CARF: variants seen among roughly 807,000 people sequenced by gnomAD.
CARF encodes the protein calcium responsive transcription factor.
Under a neutral mutation model 82.0 loss-of-function variants are expected in CARF, and 57 were observed. That is an observed-to-expected ratio of 0.70 (90% CI 0.56 to 0.87). CARF has a LOEUF of 0.87. Among genes scored for constraint, CARF ranks in the 40% least tolerant of loss-of-function variants. The pLI is 0.00. For synonymous variants in CARF, 268 were observed against 290.1 expected (o/e 0.92, Z 0.77); for missense variants, 771 against 855.8 (o/e 0.90, Z 1.24).
chr2:202,923,775 G>A (rs1378801115), intron 2 of CARF, among the ~76,000 whole-genome samples: 13 of 152,248 alleles, frequency 8.5e-5, no homozygotes, highest in South Asian at 2.1e-4. Context: ...ATCAAAATAG[G>A]TACATAGACC....
intron 5 of CARF, among the ~76,000 whole-genome samples, chr2:202,947,846 T>C (rs1380671873): frequency 6.6e-6 from 1 of 152,222 alleles, no homozygotes; most frequent in African/African-American, 2.4e-5. Context: ...GTATAGAAGC[T>C]CTTAAGTTTA....
chr2:202,953,388 C>A (rs2058848096), intron 6 of CARF, among the ~76,000 whole-genome samples: 1 of 151,594 alleles, frequency 6.6e-6, no homozygotes, highest in East Asian at 1.9e-4. Flanking sequence ...TTGCTCTTTT[C>A]CTCTTTCCTT....
chr2:202,941,698 A>G (rs1034255995), intron 3 of CARF, among the ~76,000 whole-genome samples, 162 bp from the exon 4 acceptor site: 1 of 151,356 alleles, frequency 6.6e-6, no homozygotes, highest in African/African-American at 2.4e-5. Flanking sequence ...TGCCTTGGCA[A>G]GTCATTTTAA....
At chr2:202,976,034 A>G (rs1194139206) in intron 13 of CARF, among the ~76,000 whole-genome samples, 2 of 152,102 alleles carry the variant, frequency 1.3e-5, no homozygotes, top group Admixed American at 6.6e-5. Context: ...GACAGCAGCA[A>G]AACTCCATCT....
chr2:202,922,102 T>G (rs1429904226), intron 2 of CARF, among the ~76,000 whole-genome samples: 1 of 152,042 alleles, frequency 6.6e-6, no homozygotes, highest in Non-Finnish European at 1.5e-5. Context: ...GTGCTAAGAT[T>G]ACAGGGATTA....
intron 9 of CARF, chr2:202,962,613 C>T (rs972890051): frequency 7.9e-5 from 12 of 152,048 alleles, no homozygotes; most frequent in African/African-American, 2.7e-4. Context: ...TCATGTGTAT[C>T]GTTCTAGTCT....
chr2:202,964,878 T>C (rs1369521101), intron 9 of CARF, among the ~76,000 whole-genome samples: 2 of 108,536 alleles, frequency 1.8e-5, no homozygotes, highest in Non-Finnish European at 4.4e-5. Context: ...TATATACATA[T>C]ATGTGTATAT....
In CARF at chr2:202,974,314, C is replaced by T; in HGVS notation, c.1332-20C>T. Reference sequence around the variant, plus strand: ...TTGCTAAATGGTTTATGTCTTTATTCCATTTTGTATTCTTTACAGAAAATT... The same window carrying T: ...TTGCTAAATGGTTTATGTCTTTATTTCATTTTGTATTCTTTACAGAAAATT... On this transcript the variant is annotated intron_variant, in intron 12 of 16. Coordinates refer to ENST00000438828, the MANE Select transcript of CARF (RefSeq NM_024744.17). 1 of 1,553,644 alleles carries T rather than the reference C, an allele frequency of 6.4e-7. No individual in the cohort carries two copies. Among genetic ancestry groups the T allele is most frequent in the Non-Finnish European group, 8.6e-7 (1 of 1,157,498 alleles).
chr2:202,964,900 T>TACAC (rs1553568430), intron 9 of CARF, among the ~76,000 whole-genome samples: 2 of 146,034 alleles, frequency 1.4e-5, no homozygotes, highest in Admixed American at 6.8e-5. Flanking sequence ...TATATATATA[T>TACAC]ACACACACAC....
At chr2:202,970,581 A>T (rs1440057233) in intron 11 of CARF, among the ~76,000 whole-genome samples, 1 of 152,122 alleles carries the variant, frequency 6.6e-6, no homozygotes, top group Non-Finnish European at 1.5e-5. Flanking sequence ...AGTCTGGGTG[A>T]ATAATTTGTT....
intron 5 of CARF, 104 bp downstream of exon 5, chr2:202,943,071 A>G: frequency 1.2e-6 from 1 of 813,922 alleles, no homozygotes; most frequent in African/African-American, 1.8e-5. Context: ...CATTGTGTTT[A>G]TTTATTTATT....
intron 5 of CARF, among the ~76,000 whole-genome samples, chr2:202,947,222 A>G (rs919915117): frequency 3.9e-5 from 6 of 152,172 alleles, no homozygotes; most frequent in African/African-American, 1.4e-4. Context: ...TCTTGGAACT[A>G]CCCCAAATGC....
chr2:202,915,058 C>A, intron 1 of CARF, among the ~76,000 whole-genome samples: 1 of 151,742 alleles, frequency 6.6e-6, no homozygotes, highest in Non-Finnish European at 1.5e-5. Context: ...CCCTCTGTCG[C>A]GAGGCTGGAG....
chr2:202,928,643 T>C (rs1254428962), intron 3 of CARF, among the ~76,000 whole-genome samples: 2 of 152,232 alleles, frequency 1.3e-5, no homozygotes, highest in African/African-American at 4.8e-5. Flanking sequence ...TTTTGTCTTT[T>C]TGATAATAGC....
chr2:202,981,754 C>T, intron 15 of CARF, 69 bp downstream of exon 15: 1 of 1,346,622 alleles, frequency 7.4e-7, no homozygotes, highest in Non-Finnish European at 1.0e-6. Flanking sequence ...TCTTCTTCTC[C>T]TAGGGATTTT....
chr2:202,949,888 C>T (rs1272479933), intron 5 of CARF, among the ~76,000 whole-genome samples: 2 of 152,074 alleles, frequency 1.3e-5, no homozygotes, highest in Non-Finnish European at 2.9e-5. Flanking sequence ...AGTAAAGATT[C>T]TGTAGTGGGT....
rs186885335 is a variant in CARF, at chr2:202,938,144, T to A, written c.-43-3716T>A. ...TAATTATTTTTAAATATAATTAAAT[T>A]ATTGACGGTAGTTACCCTGTTGTGC... On this transcript the variant is annotated intron_variant, in intron 3 of 16. Transcript: ENST00000438828. 504 of 152,310 alleles carry A rather than the reference T, an allele frequency of 3.3e-3. 4 individuals carry two copies. Among genetic ancestry groups the A allele is most frequent in the African/African-American group, 0.012 (486 of 41,582 alleles). The allele number at this position is 152,310 out of a possible 1,614,324, so 9.4% of individuals were successfully genotyped here.
At position 202,921,190 on chromosome 2, in the gene CARF, A is replaced by T. The variant is rs181191845; in HGVS notation, c.-162-3107A>T. Among the ~76,000 whole-genome samples the T allele has an allele frequency of 3.1e-4, 47 of 152,120 alleles. No individual in the cohort carries two copies. In the East Asian group the frequency reaches 6.2e-3, roughly 20 times the overall value. On this transcript the variant is annotated intron_variant, in intron 2 of 16. Transcript: ENST00000438828. ...CTCATTTTTTGTATTTTTGGTAGAG[A>T]CGGGGTTTCACCATGTTAGCCAGGA... is the stretch of plus-strand genomic sequence containing the variant.
intron 13 of CARF, among the ~76,000 whole-genome samples, chr2:202,976,484 G>A (rs999940137): frequency 1.3e-5 from 2 of 151,932 alleles, no homozygotes; most frequent in African/African-American, 4.8e-5. Flanking sequence ...TTAACTCATA[G>A]TTTGATATGG....
Sources: allele counts gnomAD v4.1 joint callset (sites outside exome capture counted in the v4.1 genomes callset), GRCh38; gene constraint gnomAD v4.1.1; transcripts MANE v1.5; gene names NCBI Gene and HGNC (gene_info 2026-07-23, HGNC 2026-07-21).